The following IQSEC3 variants were observed in gnomAD, a reference collection of about 807,000 sequenced individuals.
IQSEC3 encodes the protein IQ motif and Sec7 domain ArfGEF 3.
A neutral mutation model predicts 105.4 loss-of-function variants in IQSEC3; 50 were observed. That is an observed-to-expected ratio of 0.47 (90% confidence interval 0.38 to 0.60). The LOEUF (loss-of-function observed/expected upper bound fraction) is 0.60. Among genes scored for constraint, IQSEC3 ranks in the 20% least tolerant of loss-of-function variants. The pLI is 0.00. For missense variants in IQSEC3, 1,415 were observed against 1,630.0 expected (o/e 0.87, Z 2.27); for synonymous variants, 708 against 746.0 (o/e 0.95, Z 0.83).
intron 11 of IQSEC3, chr12:167,063 T>C (rs1367522209): frequency 2.0e-5 from 3 of 152,238 alleles, no homozygotes; most frequent in Non-Finnish European, 4.4e-5. Context: ...CGGACTGGAC[T>C]CTGGAACTCA....
intron 1 of IQSEC3, among the ~76,000 whole-genome samples, chr12:94,727 C>A (rs562263340): frequency 5.3e-5 from 8 of 152,212 alleles, no homozygotes; most frequent in African/African-American, 1.9e-4. Flanking sequence ...TCTGGACAGA[C>A]GAGTGGCTCC....
chr12:109,345 C>T (rs1316676173), intron 2 of IQSEC3, among the ~76,000 whole-genome samples: 7 of 152,174 alleles, frequency 4.6e-5, no homozygotes, highest in African/African-American at 1.4e-4. Context: ...ATTTGCTGGC[C>T]GTGTTGTCCT....
intron 3 of IQSEC3, among the ~76,000 whole-genome samples, chr12:132,129 G>T (rs1555085286): frequency 6.6e-6 from 1 of 152,152 alleles, no homozygotes; most frequent in Non-Finnish European, 1.5e-5. Context: ...TGAGAGGGCT[G>T]CATGGAGGAG....
intron 2 of IQSEC3, 56 bp from the exon 3 acceptor site, chr12:125,577 C>T: frequency 2.8e-6 from 4 of 1,435,388 alleles, no homozygotes; most frequent in East Asian, 2.7e-5. Flanking sequence ...CCCCCACATC[C>T]ACACGCACCC....
chr12:175,637 A>G lies in IQSEC3; in HGVS notation c.*604A>G, dbSNP rs918287342. 6.6e-6 allele frequency: 1 copy of G among 152,164 alleles called. No individual in the cohort carries two copies. The highest frequency in any genetic ancestry group is 2.4e-5 in the African/African-American group (1 of 41,362). The allele number at this position is 152,164 out of a possible 1,614,324, so 9.4% of individuals were successfully genotyped here. ...CCCAGGGACATTGGCTGTCCTGACC[A>G]TGTCCTTCCCCCTCCTCCCAGGGCC... On this transcript the variant is annotated 3_prime_UTR_variant, in exon 14 of 14. Transcript: ENST00000538872.
chr12:127,378 G>A (rs1865450497), intron 3 of IQSEC3, among the ~76,000 whole-genome samples: 2 of 152,168 alleles, frequency 1.3e-5, no homozygotes, highest in Admixed American at 6.5e-5. Context: ...AATTAGCCAG[G>A]CGTGGTGGCG....
chr12:173,804 G>A (rs1939131219), intron 13 of IQSEC3, among the ~76,000 whole-genome samples: 1 of 152,196 alleles, frequency 6.6e-6, no homozygotes, highest in Admixed American at 6.5e-5. Context: ...CCCGCTGGTA[G>A]CAAGGGGAGG....
At chr12:128,803 C>T (rs1865498991) in intron 3 of IQSEC3, among the ~76,000 whole-genome samples, 1 of 152,150 alleles carries the variant, frequency 6.6e-6, no homozygotes, top group Non-Finnish European at 1.5e-5. Context: ...ACCTCACCTC[C>T]ACATTGCAGC....
intron 2 of IQSEC3, among the ~76,000 whole-genome samples, chr12:109,958 C>A (rs1366941889): frequency 6.6e-6 from 1 of 152,206 alleles, no homozygotes; most frequent in East Asian, 1.9e-4. Context: ...TGGCCCCTGA[C>A]AATCTGCAAA....
Position 163,534 on chromosome 12 carries a change from G to A in IQSEC3, c.2624G>A (p.Arg875Gln), listed in dbSNP as rs376435893. The change falls in exon 9 of 14, where the codon CGG becomes CAG. Residue 875 changes from arginine to glutamine, a missense_variant. By Grantham distance (43) the Arg-to-Gln change is conservative. Transcript: ENST00000538872. ...CACCGCCGCCTGGTGTGCTGCAGCCGGCTCTTCGAGGTGACGGATGTGAAC... is the reference window on the plus strand; with the variant it reads ...CACCGCCGCCTGGTGTGCTGCAGCCAGCTCTTCGAGGTGACGGATGTGAAC... ...VPHRRLVCCSRLFEVTDVNKL... is the reference protein window; with the variant it reads ...VPHRRLVCCSQLFEVTDVNKL... 11 of 1,611,490 alleles carry A rather than the reference G, an allele frequency of 6.8e-6. No individual in the cohort carries two copies. The highest frequency in any genetic ancestry group is 1.7e-5 in the Admixed American group (1 of 59,970).
chr12:119,229 C>T (rs1352263468), intron 2 of IQSEC3, among the ~76,000 whole-genome samples: 1 of 152,146 alleles, frequency 6.6e-6, no homozygotes, highest in Non-Finnish European at 1.5e-5. Context: ...TGACCAGGCT[C>T]TGAAAAGCCC....
intron 5 of IQSEC3, chr12:148,809 C>T (rs1421012408): frequency 2.0e-5 from 3 of 152,142 alleles, no homozygotes; most frequent in Non-Finnish European, 4.4e-5. Flanking sequence ...TAGTCTCAGC[C>T]AGGAGCACGA....
At chr12:117,059 T>A (rs1407123200) in intron 2 of IQSEC3, among the ~76,000 whole-genome samples, 1 of 152,062 alleles carries the variant, frequency 6.6e-6, no homozygotes, top group Non-Finnish European at 1.5e-5. Flanking sequence ...ATATCTGGAG[T>A]TCACTAGGCT....
Position 66,845 on chromosome 12 carries a change from G to T in IQSEC3, c.-38G>T. ...CGCGCCCTCGCGCTCCCCGCCGCCA[G>T]CCCAGGCGCAGGCAGGGCGCAGGCG... On this transcript the variant is annotated 5_prime_UTR_variant, in exon 1 of 14. Transcript: ENST00000538872. 1.3e-5 allele frequency: 18 copies of T among 1,365,742 alleles called. No individual in the cohort carries two copies. The South Asian group carries it at 2.7e-4, about 21-fold the overall frequency. The allele number at this position is 1,365,742 out of a possible 1,614,324, so 84.6% of individuals were successfully genotyped here. A position where few individuals can be genotyped will look rare whatever the true frequency, so the allele number is the denominator to read the frequency against.
At chr12:86,779 CT>C (rs1439638601) in intron 1 of IQSEC3, among the ~76,000 whole-genome samples, 1 of 152,016 alleles carries the variant, frequency 6.6e-6, no homozygotes, top group Non-Finnish European at 1.5e-5. Flanking sequence ...GAGGTCATTT[CT>C]TGTATGACCT....
Position 175,203 on chromosome 12 carries a change from C to T in IQSEC3, c.*170C>T, listed in dbSNP as rs747966198. ...CCTGGGTTTGCCTCATCCAACCATC[C>T]TTCCCTTTCTCAGCTGCACCCCCTC... On this transcript the variant is annotated 3_prime_UTR_variant, in exon 14 of 14. Coordinates refer to ENST00000538872, the MANE Select transcript of IQSEC3 (RefSeq NM_001170738.2). 1.8e-5 allele frequency: 11 copies of T among 594,738 alleles called. No homozygotes were observed. Among genetic ancestry groups the T allele is most frequent in the Non-Finnish European group, 2.6e-5 (9 of 343,884 alleles). The allele number at this position is 594,738 out of a possible 1,614,324, so 36.8% of individuals were successfully genotyped here.
chr12:123,843 C>T (rs1261074596), intron 2 of IQSEC3, among the ~76,000 whole-genome samples: 1 of 152,156 alleles, frequency 6.6e-6, no homozygotes, highest in East Asian at 1.9e-4. Context: ...CACCCTGGGC[C>T]CCTGTTCCTC....
At chr12:71,086 T>A (rs372611551) in intron 1 of IQSEC3, among the ~76,000 whole-genome samples, 1 of 152,258 alleles carries the variant, frequency 6.6e-6, no homozygotes, top group African/African-American at 2.4e-5. Context: ...ACAAAATCAA[T>A]CTTGAGTATC....
At chr12:83,126 GT>G (rs1863801764) in intron 1 of IQSEC3, among the ~76,000 whole-genome samples, 1 of 152,214 alleles carries the variant, frequency 6.6e-6, no homozygotes. Context: ...AAATTAAAAT[GT>G]GATGAGCTGG....
Sources: allele counts gnomAD v4.1 joint callset (sites outside exome capture counted in the v4.1 genomes callset), GRCh38; gene constraint gnomAD v4.1.1; transcripts MANE v1.5; gene names NCBI Gene and HGNC (gene_info 2026-07-23, HGNC 2026-07-21).